Variants in TRPC4 observed in about 807,000 individuals in gnomAD.
The protein encoded by TRPC4 is short transient receptor potential channel 4.
A neutral mutation model predicts 99.4 loss-of-function variants in TRPC4; 49 were observed. The observed-to-expected ratio is 0.49, with a 90% CI of 0.39 to 0.63. The LOEUF (loss-of-function observed/expected upper bound fraction) is 0.63. Ranked by LOEUF, TRPC4 falls within the 20% of genes least tolerant of loss-of-function variation. TRPC4 has a pLI of 0.00. For synonymous variants in TRPC4, 454 were observed against 425.9 expected, an observed-to-expected ratio of 1.07 and a Z score of -0.81; for missense variants, 898 against 1,152.9, an observed-to-expected ratio of 0.78 and a Z score of 3.20.
chr13:37,851,735 A>G (rs947348697), intron 1 of TRPC4, among the ~76,000 whole-genome samples: 1 of 152,210 alleles, frequency 6.6e-6, no homozygotes, highest in African/African-American at 2.4e-5. Context: ...AGAGGCATTG[A>G]GGAGGGTCTG....
chr13:37,688,848 A>T (rs1953582160), intron 4 of TRPC4, among the ~76,000 whole-genome samples: 1 of 152,140 alleles, frequency 6.6e-6, no homozygotes, highest in Non-Finnish European at 1.5e-5. Context: ...TATAAGCCAC[A>T]TCATTTCCGT....
intron 1 of TRPC4, among the ~76,000 whole-genome samples, chr13:37,860,771 T>C (rs187789483): frequency 3.3e-5 from 5 of 151,648 alleles, no homozygotes; most frequent in Admixed American, 3.3e-4. Flanking sequence ...TCCTCTGTCA[T>C]AAGCCTCCAA....
At chr13:37,773,113 T>C (rs1235754010) in intron 2 of TRPC4, among the ~76,000 whole-genome samples, 1 of 151,698 alleles carries the variant, frequency 6.6e-6, no homozygotes, top group African/African-American at 2.4e-5. Flanking sequence ...TGAAGGAATT[T>C]CAGGACACTT....
chr13:37,745,402 A>T (rs1271107803), intron 3 of TRPC4, among the ~76,000 whole-genome samples: 9 of 148,088 alleles, frequency 6.1e-5, no homozygotes, highest in African/African-American at 2.0e-4. Flanking sequence ...GAACCTGCAG[A>T]TACAGAAGGC....
chr13:37,778,264 C>A (rs7330208), intron 2 of TRPC4, among the ~76,000 whole-genome samples: 2 of 151,796 alleles, frequency 1.3e-5, no homozygotes, highest in South Asian at 4.2e-4. Context: ...CATATTATTA[C>A]GTCACTTAAG....
chr13:37,713,555 C>T (rs1245363469), intron 3 of TRPC4, among the ~76,000 whole-genome samples: 1 of 152,108 alleles, frequency 6.6e-6, no homozygotes, highest in East Asian at 1.9e-4. Flanking sequence ...GCTGTTTCCA[C>T]TGTCTGTCTT....
At chr13:37,847,418 T>C (rs1169594045) in intron 1 of TRPC4, among the ~76,000 whole-genome samples, 1 of 152,044 alleles carries the variant, frequency 6.6e-6, no homozygotes, top group Non-Finnish European at 1.5e-5. Flanking sequence ...CATGTGGAAA[T>C]TGGACAACAT....
chr13:37,800,632 A>G (rs1462858335), intron 1 of TRPC4, among the ~76,000 whole-genome samples: 1 of 152,120 alleles, frequency 6.6e-6, no homozygotes, highest in African/African-American at 2.4e-5. Flanking sequence ...ATATATAGGT[A>G]TATGTAGATA....
chr13:37,691,977 T>C (rs762596644), intron 4 of TRPC4, 22 bp downstream of exon 4: 1 of 1,578,796 alleles, frequency 6.3e-7, no homozygotes, highest in South Asian at 1.1e-5. Flanking sequence ...TTTTATTATA[T>C]TTTCTATAGT....
At chr13:37,656,327 C>T (rs568670640) in intron 6 of TRPC4, among the ~76,000 whole-genome samples, 1 of 152,168 alleles carries the variant, frequency 6.6e-6, no homozygotes, top group African/African-American at 2.4e-5. Flanking sequence ...AAATGAAAAC[C>T]TTCTCATACA....
chr13:37,851,999 A>G (rs1959071060), intron 1 of TRPC4, among the ~76,000 whole-genome samples: 1 of 152,188 alleles, frequency 6.6e-6, no homozygotes, highest in African/African-American at 2.4e-5. Context: ...AAGTTTCTGG[A>G]CAAGTCTTGC....
intron 4 of TRPC4, among the ~76,000 whole-genome samples, chr13:37,682,976 G>C (rs1382956113): frequency 6.8e-6 from 1 of 147,980 alleles, no homozygotes; most frequent in Non-Finnish European, 1.5e-5. Context: ...TGTTGGCCAG[G>C]CTGGTCTTGA....
chr13:37,795,661 T>G (rs1435835835), intron 1 of TRPC4, among the ~76,000 whole-genome samples: 1 of 152,212 alleles, frequency 6.6e-6, no homozygotes, highest in African/African-American at 2.4e-5. Flanking sequence ...TCCCATTTTA[T>G]GCTAGTTTCT....
intron 5 of TRPC4, among the ~76,000 whole-genome samples, chr13:37,667,495 C>T (rs1033720769): frequency 6.6e-5 from 10 of 152,028 alleles, no homozygotes; most frequent in South Asian, 2.1e-4. Flanking sequence ...TTAGTAGAGA[C>T]GGGCTTTCAC....
intron 1 of TRPC4, among the ~76,000 whole-genome samples, chr13:37,861,851 C>CTTAGAGGTA (rs1370699656): frequency 7.3e-5 from 11 of 151,464 alleles, no homozygotes; most frequent in Admixed American, 1.3e-4. Flanking sequence ...ATTTTAGAGG[C>CTTAGAGGTA]TCTCAGATGC....
intron 3 of TRPC4, among the ~76,000 whole-genome samples, chr13:37,697,688 G>C (rs1751322400): frequency 6.6e-6 from 1 of 152,118 alleles, no homozygotes; most frequent in African/African-American, 2.4e-5. Flanking sequence ...CAGTAACATT[G>C]AAATCAACAG....
intron 1 of TRPC4, among the ~76,000 whole-genome samples, chr13:37,816,090 G>A (rs1424804475): frequency 6.6e-6 from 1 of 151,134 alleles, no homozygotes; most frequent in Non-Finnish European, 1.5e-5. Flanking sequence ...AGAATTTCTG[G>A]GACACAGATA....
At chr13:37,864,710 A>C (rs1394628053) in intron 1 of TRPC4, among the ~76,000 whole-genome samples, 1 of 151,610 alleles carries the variant, frequency 6.6e-6, no homozygotes, top group Non-Finnish European at 1.5e-5. Flanking sequence ...AGAATATAAC[A>C]AGCTCTTTGC....
chr13:37,813,202 G>A (rs900610299), intron 1 of TRPC4, among the ~76,000 whole-genome samples: 5 of 151,806 alleles, frequency 3.3e-5, no homozygotes, highest in African/African-American at 9.7e-5. Context: ...TTAATTTTAT[G>A]AGATAAATAC....
Sources: allele counts gnomAD v4.1 joint callset (sites outside exome capture counted in the v4.1 genomes callset), GRCh38; gene constraint gnomAD v4.1.1; transcripts MANE v1.5; gene names NCBI Gene and HGNC (gene_info 2026-07-23, HGNC 2026-07-21).